CCBE1: variants seen among roughly 807,000 people sequenced by gnomAD.
CCBE1 encodes the protein collagen and calcium binding EGF domains 1.
CCBE1 carries 37 observed loss-of-function variants against 50.0 expected under a neutral mutation model. The ratio of observed to expected loss-of-function variants is 0.74; its 90% CI spans 0.57 to 0.97. The LOEUF (loss-of-function observed/expected upper bound fraction) is 0.97, where lower values mean the gene tolerates loss of function less well. Ranked by LOEUF, CCBE1 falls within the 50% of genes least tolerant of loss-of-function variation. The pLI is 0.00. For synonymous variants in CCBE1, 234 were observed against 203.7 expected (o/e 1.15, Z -1.27); for missense variants, 538 against 523.8 (o/e 1.03, Z -0.26).
chr18:59,547,041 G>GGGGGACAGAA (rs1915714874), intron 2 of CCBE1, among the ~76,000 whole-genome samples: 1 of 80,134 alleles, frequency 1.2e-5, no homozygotes, highest in African/African-American at 6.1e-5. Context: ...GAGAAAGAGA[G>GGGGGACAGAA]GGGGAGAGAG....
chr18:59,439,121 C>T (rs949234819), intron 9 of CCBE1, among the ~76,000 whole-genome samples: 2 of 152,066 alleles, frequency 1.3e-5, no homozygotes, highest in Non-Finnish European at 2.9e-5. Flanking sequence ...CCTGTCTCTA[C>T]TGAAAATACA....
chr18:59,456,609 C>A (rs1911205869), intron 5 of CCBE1, among the ~76,000 whole-genome samples: 1 of 152,186 alleles, frequency 6.6e-6, no homozygotes, highest in South Asian at 2.1e-4. Context: ...AGACTTCTAA[C>A]CTCAGACCAG....
At chr18:59,493,576 G>C (rs554980603) in intron 2 of CCBE1, among the ~76,000 whole-genome samples, 3 of 152,054 alleles carry the variant, frequency 2.0e-5, no homozygotes, top group African/African-American at 4.8e-5. Flanking sequence ...AGAAGCTGGA[G>C]CATAGAGCAC....
chr18:59,608,979 C>T (rs890210301), intron 2 of CCBE1, among the ~76,000 whole-genome samples: 2 of 152,194 alleles, frequency 1.3e-5, no homozygotes, highest in Admixed American at 6.5e-5. Flanking sequence ...CTGAAGGTCA[C>T]CAGTGTGCTC....
At chr18:59,671,706 G>A (rs372815682) in intron 2 of CCBE1, among the ~76,000 whole-genome samples, 3 of 151,702 alleles carry the variant, frequency 2.0e-5, no homozygotes, top group East Asian at 3.9e-4. Flanking sequence ...TGTTGAGTGA[G>A]GGATGAGGTG....
chr18:59,679,374 T>C (rs2054554778), intron 2 of CCBE1, among the ~76,000 whole-genome samples: 1 of 152,240 alleles, frequency 6.6e-6, no homozygotes, highest in Non-Finnish European at 1.5e-5. Flanking sequence ...TATTGAGTTG[T>C]TTTTCTGTGT....
At chr18:59,436,559 C>G (rs559332967) in intron 10 of CCBE1, among the ~76,000 whole-genome samples, 18 of 152,268 alleles carry the variant, frequency 1.2e-4, no homozygotes, top group African/African-American at 4.1e-4. Flanking sequence ...TCAGTTTCCC[C>G]ATCTGTAAAA....
chr18:59,523,653 AT>A (rs1485469738), intron 2 of CCBE1, among the ~76,000 whole-genome samples: 1 of 152,104 alleles, frequency 6.6e-6, no homozygotes, highest in Admixed American at 6.5e-5. Flanking sequence ...TTTCATGTAA[AT>A]TTATTTCACT....
In CCBE1 at chr18:59,637,257, C is replaced by T. The variant is rs574001684; in HGVS notation, c.212+59372G>A. Among the ~76,000 whole-genome samples, 15 of 152,282 alleles carry T rather than the reference C, an allele frequency of 9.9e-5. No individual in the cohort carries two copies. The South Asian group carries it at 3.1e-3, about 32-fold the overall frequency. On this transcript the variant is annotated intron_variant, in intron 2 of 10. Transcript: ENST00000439986. Reference sequence around the variant, plus strand: ...ATCTTTAGTATTTCTATCCTTGGTGCTATATCTTTCACTATTAGTCTCTCA... The same window carrying T: ...ATCTTTAGTATTTCTATCCTTGGTGTTATATCTTTCACTATTAGTCTCTCA...
chr18:59,567,065 T>G (rs1163695509), intron 2 of CCBE1, among the ~76,000 whole-genome samples: 2 of 152,206 alleles, frequency 1.3e-5, no homozygotes, highest in African/African-American at 4.8e-5. Flanking sequence ...TAAGGTCTCC[T>G]CTCATCATGA....
At chr18:59,513,423 C>G (rs529925414) in intron 2 of CCBE1, among the ~76,000 whole-genome samples, 2 of 152,346 alleles carry the variant, frequency 1.3e-5, no homozygotes, top group African/African-American at 4.8e-5. Context: ...TGAGGTGTCT[C>G]TCTTGTCTGG....
At chr18:59,633,890 C>T (rs2053884160) in intron 2 of CCBE1, among the ~76,000 whole-genome samples, 1 of 152,096 alleles carries the variant, frequency 6.6e-6, no homozygotes, top group Non-Finnish European at 1.5e-5. Flanking sequence ...CTTGACTTAA[C>T]ATAGGAAAAT....
intron 4 of CCBE1, 112 bp downstream of exon 4, chr18:59,469,361 T>A: frequency 7.0e-7 from 1 of 1,420,040 alleles, no homozygotes; most frequent in South Asian, 1.2e-5. Flanking sequence ...TAGGATAATA[T>A]CAAACACAAC....
chr18:59,559,561 AG>A (rs1424180580), intron 2 of CCBE1, among the ~76,000 whole-genome samples: 1 of 152,240 alleles, frequency 6.6e-6, no homozygotes, highest in Non-Finnish European at 1.5e-5. Context: ...TCCGGTTCAA[AG>A]AATACCTGTT....
intron 2 of CCBE1, among the ~76,000 whole-genome samples, chr18:59,628,926 G>T (rs2053819773): frequency 6.6e-6 from 1 of 152,132 alleles, no homozygotes; most frequent in South Asian, 2.1e-4. Flanking sequence ...CCAACCATTT[G>T]TCACCTCTCC....
chr18:59,607,459 C>T (rs1397316502), intron 2 of CCBE1, among the ~76,000 whole-genome samples: 1 of 152,176 alleles, frequency 6.6e-6, no homozygotes, highest in Non-Finnish European at 1.5e-5. Flanking sequence ...ATATAATGAA[C>T]TATGGGGCAC....
chr18:59,515,516 T>C (rs1262190251), intron 2 of CCBE1, among the ~76,000 whole-genome samples: 2 of 152,226 alleles, frequency 1.3e-5, no homozygotes, highest in African/African-American at 4.8e-5. Flanking sequence ...TTCTGAGACC[T>C]GAAACGCACG....
chr18:59,437,986 G>A (rs758009592), intron 10 of CCBE1, 125 bp downstream of exon 10: 5 of 812,482 alleles, frequency 6.2e-6, no homozygotes, highest in African/African-American at 3.4e-5. Flanking sequence ...ACAGAGTTCT[G>A]TTCAGGTGGG....
intron 2 of CCBE1, among the ~76,000 whole-genome samples, chr18:59,489,423 A>AT (rs35019743): frequency 0.26 from 39,138 of 151,494 alleles, 5,357 homozygotes; most frequent in African/African-American, 0.29. Context: ...TTATTTATTT[A>AT]TTTTTTTTGA....
Sources: allele counts gnomAD v4.1 joint callset (sites outside exome capture counted in the v4.1 genomes callset), GRCh38; gene constraint gnomAD v4.1.1; transcripts MANE v1.5; gene names NCBI Gene and HGNC (gene_info 2026-07-23, HGNC 2026-07-21).